LMOD1: variants seen among roughly 807,000 people sequenced by gnomAD.
LMOD1 encodes leiomodin 1, also known as leiomodin-1.
LMOD1 carries 8 observed loss-of-function variants against 36.5 expected under a neutral mutation model. The observed-to-expected ratio is 0.22, with a 90% CI of 0.13 to 0.40. The LOEUF (loss-of-function observed/expected upper bound fraction) is 0.40. Ranked by LOEUF, LMOD1 falls within the 10% of genes least tolerant of loss-of-function variation. LMOD1 has a pLI of 1.00. For missense variants in LMOD1, 630 were observed against 751.1 expected (o/e 0.84, Z 1.88); for synonymous variants, 284 against 288.7 (o/e 0.98, Z 0.17).
chr1:201,909,734 G>A (rs1013555858), intron 1 of LMOD1, among the ~76,000 whole-genome samples: 35 of 152,110 alleles, frequency 2.3e-4, no homozygotes, highest in African/African-American at 6.8e-4. Context: ...CTGCCATGCC[G>A]CCCCAGGTGC....
rs1681202524 is a variant in LMOD1, at chr1:201,896,802, C to T, written c.*1570G>A. On this transcript the variant is annotated 3_prime_UTR_variant, in exon 3 of 3. Transcript: ENST00000367288. ...GTGGAGGGAATGGAGAAGAGTGTAC[C>T]CTGGGATCTGAGGGCTTTACCCCCA... 2.3e-6 allele frequency: 1 copy of T among 444,148 alleles called. No homozygotes were observed. The highest frequency in any genetic ancestry group is 4.6e-6 in the Non-Finnish European group (1 of 219,654). The allele number at this position is 444,148 out of a possible 1,614,324, so 27.5% of individuals were successfully genotyped here.
chr1:201,942,366 C>T (rs150197131), intron 1 of LMOD1, among the ~76,000 whole-genome samples: 22 of 152,312 alleles, frequency 1.4e-4, no homozygotes, highest in Middle Eastern at 3.4e-3. Flanking sequence ...GGTGCCTGAC[C>T]TTGAGGGAGT....
chr1:201,945,472 TC>T (rs751247031), intron 1 of LMOD1, among the ~76,000 whole-genome samples: 30 of 152,068 alleles, frequency 2.0e-4, no homozygotes, highest in Non-Finnish European at 3.5e-4. Context: ...AAAAACATCT[TC>T]CCTGGGAATA....
intron 2 of LMOD1, among the ~76,000 whole-genome samples, chr1:201,898,946 T>C (rs1681240184): frequency 6.6e-6 from 1 of 152,208 alleles, no homozygotes; most frequent in Non-Finnish European, 1.5e-5. Flanking sequence ...CATTTCTCCA[T>C]TTTAAGGAGA....
At position 201,925,628 on chromosome 1, in the gene LMOD1, A is replaced by C. The variant is rs140690531; in HGVS notation, c.261+20452T>G. Among the ~76,000 whole-genome samples the C allele has an allele frequency of 5.9e-4, 88 of 149,926 alleles. No homozygotes were observed. In the East Asian group the frequency reaches 0.013, roughly 21 times the overall value. On this transcript the variant is annotated intron_variant, in intron 1 of 2. Transcript: ENST00000367288. ...AACCAGTTGACCTTCTCTTCTTGAC[A>C]TCCACCCAAGACCTGAAATTTTTCA...
intron 1 of LMOD1, among the ~76,000 whole-genome samples, chr1:201,906,443 C>T (rs1440187663): frequency 2.0e-5 from 3 of 152,306 alleles, no homozygotes; most frequent in Non-Finnish European, 4.4e-5. Context: ...GGCCCACTCC[C>T]TCCAGCCACC....
chr1:201,935,215 C>T (rs1435286301), intron 1 of LMOD1, among the ~76,000 whole-genome samples: 1 of 152,046 alleles, frequency 6.6e-6, no homozygotes, highest in African/African-American at 2.4e-5. Context: ...CAGGTGAGAG[C>T]TCAAAGATGG....
intron 1 of LMOD1, among the ~76,000 whole-genome samples, chr1:201,917,719 A>G (rs1681635125): frequency 6.6e-6 from 1 of 152,206 alleles, no homozygotes; most frequent in Admixed American, 6.5e-5. Context: ...CCCAGCACCA[A>G]GGAAAACCCA....
At position 201,896,804 on chromosome 1, in the gene LMOD1, T is replaced by G. The variant is rs1681202623; in HGVS notation, c.*1568A>C. 3 of 443,622 alleles carry G rather than the reference T, an allele frequency of 6.8e-6. No homozygotes were observed. The highest frequency in any genetic ancestry group is 1.4e-5 in the Non-Finnish European group (3 of 219,342). 27.5% of individuals were successfully genotyped at this position (443,622 alleles called of 1,614,324 possible). ...GGAGGGAATGGAGAAGAGTGTACCC[T>G]GGGATCTGAGGGCTTTACCCCCAGG... On this transcript the variant is annotated 3_prime_UTR_variant, in exon 3 of 3. Transcript: ENST00000367288.
intron 1 of LMOD1, among the ~76,000 whole-genome samples, chr1:201,940,505 C>T (rs1304550970): frequency 2.0e-5 from 3 of 151,958 alleles, no homozygotes; most frequent in Non-Finnish European, 2.9e-5. Context: ...CTTATACCTA[C>T]TGTCCCAGTA....
chr1:201,898,321 G>T lies in LMOD1; in HGVS notation c.*51C>A, dbSNP rs1425868378. ...GGCAGGGTCTGTGTAGCCCTGGGAGGTGAGGCCTGAGCAGTCATGGCATTG... is the reference window on the plus strand; with the variant it reads ...GGCAGGGTCTGTGTAGCCCTGGGAGTTGAGGCCTGAGCAGTCATGGCATTG... On this transcript the variant is annotated 3_prime_UTR_variant, in exon 3 of 3. Transcript: ENST00000367288. The T allele has an allele frequency of 1.3e-6, 2 of 1,593,752 alleles. No individual in the cohort carries two copies. The highest frequency in any genetic ancestry group is 1.1e-5 in the South Asian group (1 of 88,178).
Position 201,900,015 on chromosome 1 carries a change from G to A in LMOD1, c.998C>T (p.Thr333Ile), listed in dbSNP as rs368890889. 9 of 1,613,752 alleles carry A rather than the reference G, an allele frequency of 5.6e-6. No individual in the cohort carries two copies. Among genetic ancestry groups the A allele is most frequent in the Non-Finnish European group, 7.6e-6 (9 of 1,179,876 alleles). ...GTCTGAGTTGTTGACGTTCACCTCAGTCATCTCGGGGTCATTGTTCTTCAC... is the reference window on the plus strand; with the variant it reads ...GTCTGAGTTGTTGACGTTCACCTCAATCATCTCGGGGTCATTGTTCTTCAC... ...ERVKNNDPEM[T>I]EVNVNNSDCI... The change falls in exon 2 of 3, where the codon ACT becomes ATT. Residue 333 changes from threonine (T) to isoleucine (I), a missense_variant. Transcript: ENST00000367288.
intron 1 of LMOD1, among the ~76,000 whole-genome samples, chr1:201,936,743 C>A (rs185625065): frequency 1.3e-5 from 2 of 152,194 alleles, no homozygotes; most frequent in Non-Finnish European, 2.9e-5. Flanking sequence ...TCGAGACCAG[C>A]CTGGCCAACA....
At chr1:201,939,371 C>T (rs948401468) in intron 1 of LMOD1, among the ~76,000 whole-genome samples, 2 of 152,258 alleles carry the variant, frequency 1.3e-5, no homozygotes, top group South Asian at 4.1e-4. Flanking sequence ...GAGATAGCAT[C>T]GATAAAGCCT....
chr1:201,901,294 C>T (rs541063820), intron 1 of LMOD1, among the ~76,000 whole-genome samples: 1 of 151,110 alleles, frequency 6.6e-6, no homozygotes, highest in East Asian at 1.9e-4. Flanking sequence ...CACCTGAGGT[C>T]GGGAGTTTGA....
chr1:201,928,963 C>A (rs1459409079), intron 1 of LMOD1, among the ~76,000 whole-genome samples: 1 of 152,094 alleles, frequency 6.6e-6, no homozygotes, highest in Non-Finnish European at 1.5e-5. Context: ...AGTGATCCGC[C>A]CACCTTGGCC....
chr1:201,932,926 G>A (rs534110228), intron 1 of LMOD1, among the ~76,000 whole-genome samples: 12 of 152,176 alleles, frequency 7.9e-5, no homozygotes, highest in East Asian at 3.9e-4. Flanking sequence ...TCTCTACGAC[G>A]CAGAAATTCC....
chr1:201,915,614 G>C (rs931262594), intron 1 of LMOD1, among the ~76,000 whole-genome samples: 1 of 152,090 alleles, frequency 6.6e-6, no homozygotes, highest in Non-Finnish European at 1.5e-5. Flanking sequence ...TCTGCACCCC[G>C]CTCTGCACTC....
rs143181115 is a variant in LMOD1, at chr1:201,936,963, G to C, written c.261+9117C>G. 2.3e-3 allele frequency among the ~76,000 whole-genome samples: 349 copies of C among 152,072 alleles called. 1 individual carries two copies. The highest frequency in any genetic ancestry group is 8.1e-3 in the African/African-American group (338 of 41,496). ...TCAAAAAAAAAGAATCTGCTCAAATGTCACCTCTTTTGGTAGTGAAGACCC... is the reference window on the plus strand; with the variant it reads ...TCAAAAAAAAAGAATCTGCTCAAATCTCACCTCTTTTGGTAGTGAAGACCC... On this transcript the variant is annotated intron_variant, in intron 1 of 2. Transcript: ENST00000367288.
Sources: gnomAD v4.1 joint callset for allele counts (sites outside exome capture counted in the v4.1 genomes callset) on GRCh38, gnomAD v4.1.1 for gene constraint, MANE v1.5 for transcripts, NCBI Gene and HGNC (gene_info 2026-07-23, HGNC 2026-07-21) for gene names.